The following ANXA10 variants were observed in gnomAD, a reference collection of about 807,000 sequenced individuals.
ANXA10 encodes the protein annexin 14.
In ANXA10, 49 loss-of-function variants were observed where a neutral mutation model predicts 53.5. The observed-to-expected ratio is 0.92, with a 90% CI of 0.73 to 1.16. ANXA10 has a LOEUF of 1.16. ANXA10 is among the 50% of genes most tolerant of loss of function. The probability of loss-of-function intolerance (pLI) is 0.00; values close to 1 mark genes in which losing one functional copy is unlikely to be tolerated. For synonymous variants in ANXA10, 131 were observed against 128.9 expected, an observed-to-expected ratio of 1.02 and a Z score of -0.11; for missense variants, 393 against 394.4, an observed-to-expected ratio of 1.00 and a Z score of 0.03.
intron 3 of ANXA10, among the ~76,000 whole-genome samples, chr4:168,159,915 C>A (rs969844801): frequency 6.6e-6 from 1 of 152,034 alleles, no homozygotes; most frequent in Admixed American, 6.6e-5. Context: ...AGTATTGAAC[C>A]ACCTCAGAAC....
chr4:168,156,134 T>G lies in ANXA10; in HGVS notation c.196-6394T>G, dbSNP rs1408731136. 3.2e-4 allele frequency among the ~76,000 whole-genome samples: 10 copies of G among 31,590 alleles called. No individual in the cohort carries two copies. In the South Asian group the frequency reaches 7.7e-3, roughly 24 times the overall value. The allele number at this position is 31,590 out of a possible 152,430, so 20.7% of individuals were successfully genotyped here. The stretch of plus-strand genomic sequence containing the variant: ...TATATTTATTTATATTTATATATAT[T>G]ATATATAAAAATAATATATATTATA... On this transcript the variant is annotated intron_variant, in intron 3 of 11. Coordinates refer to ENST00000359299, the MANE Select transcript of ANXA10 (RefSeq NM_007193.5).
chr4:168,107,747 A>T (rs1421397388), intron 1 of ANXA10, among the ~76,000 whole-genome samples: 1 of 152,090 alleles, frequency 6.6e-6, no homozygotes, highest in African/African-American at 2.4e-5. Context: ...TACACAGGGG[A>T]CAGAGACTCA....
intron 1 of ANXA10, among the ~76,000 whole-genome samples, chr4:168,127,009 C>T (rs1374025614): frequency 6.6e-6 from 1 of 152,018 alleles, no homozygotes; most frequent in Non-Finnish European, 1.5e-5. Flanking sequence ...AATTAATTAA[C>T]TTAATTAATA....
chr4:168,173,428 G>A (rs1029253603), intron 6 of ANXA10, among the ~76,000 whole-genome samples: 3 of 152,162 alleles, frequency 2.0e-5, no homozygotes, highest in African/African-American at 7.2e-5. Context: ...TCATTGCTGG[G>A]TCTTTAGTGA....
At chr4:168,187,255 A>G in intron 11 of ANXA10, 111 bp from the exon 12 acceptor site, 1 of 562,462 alleles carries the variant, frequency 1.8e-6, no homozygotes. Context: ...AAATAAGTTT[A>G]GAAAGGCTAA....
At chr4:168,144,905 G>C (rs1242982756) in intron 3 of ANXA10, among the ~76,000 whole-genome samples, 1 of 152,170 alleles carries the variant, frequency 6.6e-6, no homozygotes, top group Non-Finnish European at 1.5e-5. Context: ...GGGGAATATA[G>C]AGTTTAATTC....
chr4:168,123,165 T>A (rs1731017092), intron 1 of ANXA10, among the ~76,000 whole-genome samples: 1 of 152,118 alleles, frequency 6.6e-6, no homozygotes, highest in Non-Finnish European at 1.5e-5. Flanking sequence ...TCCAAAGCCT[T>A]CCCAGATTTC....
At chr4:168,152,598 ATTT>A (rs1578918500) in intron 3 of ANXA10, among the ~76,000 whole-genome samples, 1 of 151,846 alleles carries the variant, frequency 6.6e-6, no homozygotes, top group Non-Finnish European at 1.5e-5. Flanking sequence ...AACTAATTTG[ATTT>A]TTATTTTCCC....
intron 3 of ANXA10, among the ~76,000 whole-genome samples, chr4:168,159,908 A>G (rs949258498): frequency 6.6e-6 from 1 of 152,212 alleles, no homozygotes. Flanking sequence ...GAATTCCAGT[A>G]TTGAACCACC....
At chr4:168,100,161 T>C (rs916453187) in intron 1 of ANXA10, among the ~76,000 whole-genome samples, 2 of 152,136 alleles carry the variant, frequency 1.3e-5, no homozygotes, top group African/African-American at 4.8e-5. Context: ...AGGCATCAGA[T>C]TAACTTTTCT....
intron 2 of ANXA10, among the ~76,000 whole-genome samples, chr4:168,133,294 T>A (rs116751838): frequency 0.011 from 1,730 of 152,126 alleles, 12 homozygotes; most frequent in South Asian, 0.019. Context: ...GTTAATGAAT[T>A]AATAAAATAA....
intron 1 of ANXA10, among the ~76,000 whole-genome samples, chr4:168,121,299 T>C (rs1327518632): frequency 6.6e-6 from 1 of 152,262 alleles, no homozygotes; most frequent in Middle Eastern, 3.4e-3. Context: ...TCAAATTCCA[T>C]GGAATTTTGT....
At chr4:168,185,786 G>A (rs946856553) in intron 11 of ANXA10, among the ~76,000 whole-genome samples, 4 of 152,158 alleles carry the variant, frequency 2.6e-5, no homozygotes, top group East Asian at 1.9e-4. Flanking sequence ...CCTTGTTCAC[G>A]TTGTTTTCAT....
chr4:168,182,732 C>T lies in ANXA10; in HGVS notation c.783+991C>T, dbSNP rs542246659. On this transcript the variant is annotated intron_variant, in intron 10 of 11. Coordinates refer to ENST00000359299, the MANE Select transcript of ANXA10 (RefSeq NM_007193.5). ...TGAAACAAAAAAAGAAAGTCTCGGCCGCGCGCAGTGGCTCATGCCTGTAAT... is the reference window on the plus strand; with the variant it reads ...TGAAACAAAAAAAGAAAGTCTCGGCTGCGCGCAGTGGCTCATGCCTGTAAT... 4.0e-5 allele frequency among the ~76,000 whole-genome samples: 6 copies of T among 150,436 alleles called. No homozygotes were observed. The East Asian group carries it at 1.2e-3, about 30-fold the overall frequency.
chr4:168,096,926 A>ATATATGTGTATATATATATATATATATG (rs371811709), intron 1 of ANXA10, among the ~76,000 whole-genome samples: 1,330 of 129,832 alleles, frequency 0.01, 4 homozygotes, highest in Middle Eastern at 0.016. Context: ...ATATATATAT[A>ATATATGTGTATATATATATATATATATG]TATGTATGTA....
chr4:168,134,639 T>C (rs377455250), intron 2 of ANXA10, among the ~76,000 whole-genome samples: 9 of 152,330 alleles, frequency 5.9e-5, no homozygotes, highest in East Asian at 3.9e-4. Context: ...TTGTTTTGTT[T>C]TTTGTTTCTG....
At chr4:168,155,760 A>T (rs1232654646) in intron 3 of ANXA10, among the ~76,000 whole-genome samples, 2 of 26,470 alleles carry the variant, frequency 7.6e-5, no homozygotes, top group African/African-American at 4.5e-4. Context: ...ATATTATATA[A>T]TATATGATAT....
intron 4 of ANXA10, 41 bp from the exon 5 acceptor site, chr4:168,164,157 T>C (rs1271482313): frequency 4.2e-6 from 6 of 1,444,772 alleles, no homozygotes; most frequent in Non-Finnish European, 5.8e-6. Context: ...TTACTTCCAA[T>C]AAAAATATCC....
chr4:168,184,202 T>C (rs1468377680), intron 10 of ANXA10, among the ~76,000 whole-genome samples: 1 of 152,164 alleles, frequency 6.6e-6, no homozygotes, highest in Non-Finnish European at 1.5e-5. Context: ...TTGCAGTTTA[T>C]AATGCAGTGT....
Sources: allele counts gnomAD v4.1 joint callset (sites outside exome capture counted in the v4.1 genomes callset), GRCh38; gene constraint gnomAD v4.1.1; transcripts MANE v1.5; gene names NCBI Gene and HGNC (gene_info 2026-07-23, HGNC 2026-07-21).